Variants in VSNL1 observed in about 807,000 individuals in gnomAD.
VSNL1 encodes the protein visinin-like protein 1.
VSNL1 carries 6 observed loss-of-function variants against 20.4 expected under a neutral mutation model. That is an observed-to-expected ratio of 0.29 (90% CI 0.16 to 0.58). The LOEUF (loss-of-function observed/expected upper bound fraction) is 0.58, where lower values mean the gene tolerates loss of function less well. Among genes scored for constraint, VSNL1 ranks in the 20% least tolerant of loss-of-function variants. VSNL1 has a pLI of 0.90. For synonymous variants in VSNL1, 93 were observed against 86.4 expected, an observed-to-expected ratio of 1.08 and a Z score of -0.42; for missense variants, 100 against 234.5, an observed-to-expected ratio of 0.43 and a Z score of 3.75.
chr2:17,598,112 T>C (rs1664749509), intron 2 of VSNL1, among the ~76,000 whole-genome samples: 1 of 152,218 alleles, frequency 6.6e-6, no homozygotes, highest in African/African-American at 2.4e-5. Context: ...TTAATAGATA[T>C]TATGAAAACA....
At chr2:17,567,352 A>ATT (rs1663972508) in intron 1 of VSNL1, 1 of 42,692 alleles carries the variant, frequency 2.3e-5, no homozygotes, top group Non-Finnish European at 4.9e-5. Flanking sequence ...ATAGAGTCTC[A>ATT]CTTTTTTTTT....
At chr2:17,640,111 G>A (rs1210498271) in intron 2 of VSNL1, among the ~76,000 whole-genome samples, 7 of 152,220 alleles carry the variant, frequency 4.6e-5, no homozygotes, top group African/African-American at 9.6e-5. Context: ...TTAGCTGGGC[G>A]CAGTGGCACA....
rs577471307 is a variant in VSNL1, at chr2:17,642,309, C to CTTTTTTTT, written c.163-7091_163-7084dup. On this transcript the variant is annotated intron_variant, in intron 2 of 3. Transcript: ENST00000295156. ...CTGGCTTTTCCCATGGTGAGCATTCCTTTTTTTTTTTTTTTTTGAGACAGA... is the reference window on the plus strand; with the variant it reads ...CTGGCTTTTCCCATGGTGAGCATTCCTTTTTTTTTTTTTTTTTTTTTTTTTGAGACAGA... Among the ~76,000 whole-genome samples the CTTTTTTTT allele has an allele frequency of 1.2e-3, 109 of 93,212 alleles. 13 individuals carry two copies. The highest frequency in any genetic ancestry group is 1.7e-3 in the Non-Finnish European group (77 of 44,236). 61.2% of individuals were successfully genotyped at this position (93,212 alleles called of 152,430 possible).
At chr2:17,607,759 A>G (rs921763327) in intron 2 of VSNL1, among the ~76,000 whole-genome samples, 4 of 152,270 alleles carry the variant, frequency 2.6e-5, no homozygotes, top group Non-Finnish European at 5.9e-5. Context: ...AAATTAACAA[A>G]TGAATAAAGG....
chr2:17,633,804 G>A (rs1029993544), intron 2 of VSNL1, among the ~76,000 whole-genome samples: 1 of 152,144 alleles, frequency 6.6e-6, no homozygotes, highest in Non-Finnish European at 1.5e-5. Flanking sequence ...AGCTTAGGCA[G>A]GGGAGAGAGT....
At chr2:17,653,538 T>C (rs918364915) in intron 3 of VSNL1, among the ~76,000 whole-genome samples, 6 of 152,224 alleles carry the variant, frequency 3.9e-5, no homozygotes, top group Admixed American at 6.5e-5. Flanking sequence ...CTACCAATTA[T>C]CCACAAAATG....
intron 1 of VSNL1, among the ~76,000 whole-genome samples, chr2:17,547,704 T>C (rs539124608): frequency 6.6e-6 from 1 of 152,244 alleles, no homozygotes; most frequent in South Asian, 2.1e-4. Context: ...CTTCTTTAAA[T>C]GCATCCCCTT....
At chr2:17,645,233 C>T (rs1665967387) in intron 2 of VSNL1, among the ~76,000 whole-genome samples, 1 of 152,260 alleles carries the variant, frequency 6.6e-6, no homozygotes, top group African/African-American at 2.4e-5. Flanking sequence ...TTGCTGCCAC[C>T]CCTCCTGACA....
intron 1 of VSNL1, among the ~76,000 whole-genome samples, chr2:17,575,578 C>G (rs1175175730): frequency 6.6e-6 from 1 of 151,854 alleles, no homozygotes; most frequent in Admixed American, 6.6e-5. Flanking sequence ...CACTGTCGCC[C>G]AGGCTGGAGT....
intron 2 of VSNL1, among the ~76,000 whole-genome samples, chr2:17,614,874 A>G (rs1307567301): frequency 1.3e-5 from 2 of 152,234 alleles, no homozygotes; most frequent in Non-Finnish European, 2.9e-5. Flanking sequence ...CATTTGTAAG[A>G]TGAGAATAAT....
intron 1 of VSNL1, among the ~76,000 whole-genome samples, chr2:17,573,051 A>C (rs1263641016): frequency 6.6e-6 from 1 of 152,260 alleles, no homozygotes; most frequent in Admixed American, 6.5e-5. Flanking sequence ...ATGACTAGAG[A>C]GGATTAATTA....
intron 1 of VSNL1, among the ~76,000 whole-genome samples, chr2:17,558,663 C>G (rs1204059126): frequency 6.6e-6 from 1 of 152,148 alleles, no homozygotes; most frequent in Non-Finnish European, 1.5e-5. Flanking sequence ...CACTGTCTCC[C>G]TGTAATAGTC....
rs192807597 is a variant in VSNL1, at chr2:17,559,322, C to T, written c.-6+18404C>T. On this transcript the variant is annotated intron_variant, in intron 1 of 3. Coordinates refer to ENST00000295156, the MANE Select transcript of VSNL1 (RefSeq NM_003385.5). ...CTTGGAGAAAACTAGAAGCTTCTGC[C>T]GTACTAGTAATAAAATTTTAAGATA... Among the ~76,000 whole-genome samples the T allele has an allele frequency of 4.6e-5, 7 of 151,186 alleles. No homozygotes were observed. In the South Asian group the frequency reaches 8.3e-4, roughly 18 times the overall value.
intron 2 of VSNL1, among the ~76,000 whole-genome samples, chr2:17,621,935 A>G (rs954824180): frequency 6.6e-6 from 1 of 152,098 alleles, no homozygotes; most frequent in Non-Finnish European, 1.5e-5. Context: ...AGCCAAAACT[A>G]ACAGTTCCAG....
intron 2 of VSNL1, among the ~76,000 whole-genome samples, chr2:17,642,309 C>CTTTGTTTTTTTTTTTTTTTTTTTTTT (rs1665897797): frequency 1.1e-5 from 1 of 93,194 alleles, no homozygotes; most frequent in African/African-American, 3.8e-5. Flanking sequence ...GTGAGCATTC[C>CTTTGTTTTTTTTTTTTTTTTTTTTTT]TTTTTTTTTT....
At chr2:17,613,789 C>G (rs1466960704) in intron 2 of VSNL1, among the ~76,000 whole-genome samples, 4 of 152,202 alleles carry the variant, frequency 2.6e-5, no homozygotes, top group Non-Finnish European at 4.4e-5. Context: ...GCAAATGACA[C>G]AGTTGTTCAT....
At chr2:17,618,706 A>T (rs1393463211) in intron 2 of VSNL1, among the ~76,000 whole-genome samples, 1 of 152,140 alleles carries the variant, frequency 6.6e-6, no homozygotes, top group Non-Finnish European at 1.5e-5. Context: ...AGCACCTAAC[A>T]TGTGATAAGC....
At position 17,649,097 on chromosome 2, in the gene VSNL1, G is replaced by C. The variant is rs1666065349; in HGVS notation, c.163-313G>C. The stretch of plus-strand genomic sequence containing the variant: ...TGTCTGCCTCAGTCCTGTTCCTGGG[G>C]GGAGTGAGCTGAGATGCTGCAACAC... On this transcript the variant is annotated intron_variant, in intron 2 of 3. Transcript: ENST00000295156. The surrounding 1 kb of genome is among the most constrained non-coding windows in gnomAD (Gnocchi z 6.4). Among the ~76,000 whole-genome samples the C allele has an allele frequency of 6.6e-6, 1 of 152,172 alleles. No individual in the cohort carries two copies. The highest frequency in any genetic ancestry group is 2.4e-5 in the African/African-American group (1 of 41,438).
intron 2 of VSNL1, among the ~76,000 whole-genome samples, chr2:17,632,798 GAGA>G (rs1290580372): frequency 6.6e-6 from 1 of 152,140 alleles, no homozygotes; most frequent in East Asian, 1.9e-4. Context: ...TCACCCTTTG[GAGA>G]AGAACTATGA....
Sources: gnomAD v4.1 joint callset for allele counts (sites outside exome capture counted in the v4.1 genomes callset) on GRCh38, gnomAD v4.1.1 for gene constraint, Gnocchi (gnomAD v3.1) non-coding constraint, MANE v1.5 for transcripts, NCBI Gene and HGNC (gene_info 2026-07-23, HGNC 2026-07-21) for gene names.